Variants in PREX2 observed in about 807,000 individuals in gnomAD.
PREX2 encodes phosphatidylinositol-3,4,5-trisphosphate dependent Rac exchange factor 2.
PREX2 carries 107 observed loss-of-function variants against 203.2 expected under a neutral mutation model. The ratio of observed to expected loss-of-function variants is 0.53; its 90% CI spans 0.45 to 0.62. The LOEUF is 0.62. PREX2 is among the 20% of genes least tolerant of loss of function. The pLI is 0.00. For synonymous variants in PREX2, 672 were observed against 663.6 expected (o/e 1.01, Z -0.19); for missense variants, 1,777 against 1,955.9 (o/e 0.91, Z 1.72).
intron 14 of PREX2, among the ~76,000 whole-genome samples, chr8:68,076,254 TGAGAC>T (rs1265433603): frequency 6.6e-6 from 1 of 152,014 alleles, no homozygotes; most frequent in Non-Finnish European, 1.5e-5. Flanking sequence ...GTTAGGAGTT[TGAGAC>T]CAGCCTGGCC....
intron 1 of PREX2, among the ~76,000 whole-genome samples, chr8:67,974,207 A>G (rs1806004559): frequency 6.6e-6 from 1 of 152,142 alleles, no homozygotes; most frequent in Non-Finnish European, 1.5e-5. Flanking sequence ...AATTATAGGA[A>G]CCTCGTGTTT....
intron 35 of PREX2, among the ~76,000 whole-genome samples, chr8:68,163,932 G>A (rs1400951909): frequency 1.3e-5 from 2 of 152,052 alleles, no homozygotes; most frequent in Non-Finnish European, 2.9e-5. Context: ...CATACACCAA[G>A]GTCAAGTTCT....
chr8:67,965,016 A>T lies in PREX2; in HGVS notation c.141+12481A>T, dbSNP rs755536230. 4.3e-4 allele frequency among the ~76,000 whole-genome samples: 65 copies of T among 152,156 alleles called. 2 individuals carry two copies. The highest frequency in any genetic ancestry group is 1.0e-4 in the Non-Finnish European group (7 of 68,022). On this transcript the variant is annotated intron_variant, in intron 1 of 39. Coordinates refer to ENST00000288368, the MANE Select transcript of PREX2 (RefSeq NM_024870.4). ...CTAGGAAAACCAAGGCAGTTGCTGG[A>T]GTAGGGACGCAGAACTTGTTGACTC...
intron 30 of PREX2, among the ~76,000 whole-genome samples, chr8:68,126,861 ATG>A (rs1293651472): frequency 6.6e-6 from 1 of 151,614 alleles, no homozygotes; most frequent in Non-Finnish European, 1.5e-5. Flanking sequence ...ACACACACGT[ATG>A]TGTGTGTGTA....
At chr8:67,960,584 GA>G (rs1157189542) in intron 1 of PREX2, among the ~76,000 whole-genome samples, 8 of 152,140 alleles carry the variant, frequency 5.3e-5, no homozygotes, top group African/African-American at 1.9e-4. Context: ...AGCCACCAGG[GA>G]GGGATGGCTT....
In PREX2 at chr8:68,130,544, C is replaced by T. The variant is rs1227698519; in HGVS notation, c.3766+3125C>T. Reference sequence around the variant, plus strand: ...AAAAAGAAGAATCACAATGATAATGCTACACCACTTTACTTTGTTAAGTGC... The same window carrying T: ...AAAAAGAAGAATCACAATGATAATGTTACACCACTTTACTTTGTTAAGTGC... On this transcript the variant is annotated intron_variant, in intron 31 of 39. Coordinates refer to ENST00000288368, the MANE Select transcript of PREX2 (RefSeq NM_024870.4). Among the ~76,000 whole-genome samples, 9 of 152,178 alleles carry T rather than the reference C, an allele frequency of 5.9e-5. No homozygotes were observed. The East Asian group carries it at 1.7e-3, about 29-fold the overall frequency.
intron 8 of PREX2, among the ~76,000 whole-genome samples, chr8:68,045,963 C>G (rs1243928583): frequency 8.3e-6 from 1 of 119,764 alleles, no homozygotes; most frequent in East Asian, 1.9e-4. Flanking sequence ...CCTCTGTAAC[C>G]TGCATGTTCA....
intron 1 of PREX2, among the ~76,000 whole-genome samples, chr8:67,991,454 C>T (rs1366111971): frequency 1.3e-5 from 2 of 152,070 alleles, no homozygotes; most frequent in Non-Finnish European, 2.9e-5. Context: ...GCTAGGGAGG[C>T]CTCAGGAAAC....
At chr8:68,192,676 A>C in intron 37 of PREX2, 151 bp downstream of exon 37, 1 of 581,136 alleles carries the variant, frequency 1.7e-6, no homozygotes, top group South Asian at 2.9e-5. Flanking sequence ...TTCTGGTTTT[A>C]ATTCTTGTAT....
At chr8:68,111,905 G>A (rs1031530889) in intron 25 of PREX2, among the ~76,000 whole-genome samples, 1 of 152,164 alleles carries the variant, frequency 6.6e-6, no homozygotes, top group Non-Finnish European at 1.5e-5. Context: ...AAGTGAAGAA[G>A]CAGATCTCGG....
At chr8:68,042,125 C>G (rs182755457) in intron 7 of PREX2, among the ~76,000 whole-genome samples, 1 of 152,118 alleles carries the variant, frequency 6.6e-6, no homozygotes, top group Admixed American at 6.5e-5. Context: ...TCAGCATATG[C>G]TTTCTAAGAT....
At chr8:68,135,620 A>G (rs1417249560) in intron 32 of PREX2, among the ~76,000 whole-genome samples, 1 of 152,134 alleles carries the variant, frequency 6.6e-6, no homozygotes, top group Non-Finnish European at 1.5e-5. Context: ...TCACCCTCCT[A>G]AGTTGCTTGT....
intron 30 of PREX2, among the ~76,000 whole-genome samples, chr8:68,124,771 C>CT (rs1315934462): frequency 6.6e-6 from 1 of 152,098 alleles, no homozygotes; most frequent in East Asian, 1.9e-4. Flanking sequence ...CAATAAGCAG[C>CT]TATAGGAATG....
At chr8:68,198,887 G>C (rs915276620) in intron 37 of PREX2, among the ~76,000 whole-genome samples, 1 of 152,164 alleles carries the variant, frequency 6.6e-6, no homozygotes, top group Non-Finnish European at 1.5e-5. Context: ...TGGTGTCAGA[G>C]TCTTGGTCTG....
rs559042401 is a variant in PREX2 at position 68,146,202 on chromosome 8, A to G, written c.4088-7A>G. 5.6e-6 allele frequency: 9 copies of G among 1,596,324 alleles called. No homozygotes were observed. The highest frequency in any genetic ancestry group is 5.6e-5 in the South Asian group (5 of 89,822). ...AGGAAGTAATATACTATTAAATATC[A>G]TTTTAGATGTTCCTCTTACATATCA... is the stretch of plus-strand genomic sequence containing the variant. On this transcript the variant is annotated splice_polypyrimidine_tract_variant and splice_region_variant and intron_variant, in intron 33 of 39. Transcript: ENST00000288368.
intron 35 of PREX2, among the ~76,000 whole-genome samples, chr8:68,177,938 C>T (rs112306374): frequency 3.9e-5 from 6 of 152,224 alleles, no homozygotes; most frequent in African/African-American, 4.8e-5. Context: ...TGGCTTCCAC[C>T]GTCATCCATG....
intron 1 of PREX2, among the ~76,000 whole-genome samples, chr8:67,986,504 G>C (rs565534186): frequency 6.7e-4 from 102 of 152,316 alleles, no homozygotes; most frequent in Non-Finnish European, 1.1e-3. Context: ...TGCAAATGAC[G>C]TGCTTGCTTG....
At position 68,194,865 on chromosome 8, in the gene PREX2, T is replaced by C. The variant is rs373609943; in HGVS notation, c.4604+2340T>C. Among the ~76,000 whole-genome samples the C allele has an allele frequency of 3.2e-3, 488 of 150,912 alleles. 1 individual carries two copies. Among genetic ancestry groups the C allele is most frequent in the South Asian group, 0.013 (60 of 4,746 alleles). On this transcript the variant is annotated intron_variant, in intron 37 of 39. Coordinates refer to ENST00000288368, the MANE Select transcript of PREX2 (RefSeq NM_024870.4). ...TCTCAGAGAAAGAGCTTTGAGACCA[T>C]AGGGACCAGCAGCTTGAGTGTCCTC... is the stretch of plus-strand genomic sequence containing the variant.
chr8:68,217,493 G>GTTCA, intron 37 of PREX2, 123 bp from the exon 38 acceptor site: 1 of 655,332 alleles, frequency 1.5e-6, no homozygotes, highest in Middle Eastern at 4.1e-4. Flanking sequence ...AAAATCAGCG[G>GTTCA]TTCATTGTCT....
Sources: allele counts gnomAD v4.1 joint callset (sites outside exome capture counted in the v4.1 genomes callset), GRCh38; gene constraint gnomAD v4.1.1; transcripts MANE v1.5; gene names NCBI Gene and HGNC (gene_info 2026-07-23, HGNC 2026-07-21).